The following RABGEF1 variants were observed in gnomAD, a reference collection of about 807,000 sequenced individuals.
RABGEF1 encodes RAB guanine nucleotide exchange factor 1, also known as rab5 GDP/GTP exchange factor.
A neutral mutation model predicts 57.3 loss-of-function variants in RABGEF1; 26 were observed. The observed-to-expected ratio is 0.45, with a 90% CI of 0.33 to 0.63. The LOEUF (loss-of-function observed/expected upper bound fraction) is 0.63. Ranked by LOEUF, RABGEF1 falls within the 20% of genes least tolerant of loss-of-function variation. RABGEF1 has a pLI of 0.02. For synonymous variants in RABGEF1, 185 were observed against 210.7 expected (o/e 0.88, Z 1.06); for missense variants, 464 against 607.6 (o/e 0.76, Z 2.48).
At chr7:66,673,432 T>C in the RABGEF1 span, among the ~76,000 whole-genome samples, 5 of 151,884 alleles carry the variant, frequency 3.3e-5, no homozygotes, top group African/African-American at 1.2e-4. Flanking sequence ...CATGGCTGGA[T>C]CTGAGCCTCT....
At chr7:66,754,203 T>C (rs1279662535) in intron 1 of RABGEF1, among the ~76,000 whole-genome samples, 3 of 151,482 alleles carry the variant, frequency 2.0e-5, no homozygotes, top group Admixed American at 6.6e-5. Context: ...GGGGTTTCAC[T>C]ATGTTAGCCA....
chr7:66,760,442 A>ATTTTTTTTTT (rs1024130038), intron 1 of RABGEF1, among the ~76,000 whole-genome samples: 12 of 126,140 alleles, frequency 9.5e-5, no homozygotes, highest in South Asian at 2.5e-4. Flanking sequence ...GTTAGCATGT[A>ATTTTTTTTTT]TTTTTTTTTT....
chr7:66,737,073 T>TGAGAGAGAGAGAGAGTGAGAGA (rs1279802653), upstream of RABGEF1, among the ~76,000 whole-genome samples: 1 of 117,094 alleles, frequency 8.5e-6, no homozygotes, highest in South Asian at 2.8e-4. Context: ...AGAGAGAGAG[T>TGAGAGAGAGAGAGAGTGAGAGA]GAGAGAGAGA....
At chr7:66,789,478 C>T (rs1394666648) in intron 4 of RABGEF1, among the ~76,000 whole-genome samples, 2 of 151,880 alleles carry the variant, frequency 1.3e-5, no homozygotes, top group African/African-American at 4.8e-5. Flanking sequence ...GTCAGGAGAT[C>T]GAGACCATCC....
chr7:66,786,076 ATTCT>A (rs1811120862), intron 4 of RABGEF1, among the ~76,000 whole-genome samples: 1 of 152,114 alleles, frequency 6.6e-6, no homozygotes, highest in Non-Finnish European at 1.5e-5. Context: ...CCACAGTATT[ATTCT>A]TTCTAAAATT....
chr7:66,691,960 G>C (rs1332808179), intron 1 of RABGEF1, among the ~76,000 whole-genome samples: 1 of 152,158 alleles, frequency 6.6e-6, no homozygotes, highest in Non-Finnish European at 1.5e-5. Context: ...TGGAGGCTGA[G>C]GTGAGAGGAT....
chr7:66,667,783 CTTAT>C, the RABGEF1 span, among the ~76,000 whole-genome samples: 2 of 152,236 alleles, frequency 1.3e-5, no homozygotes, highest in Admixed American at 6.5e-5. Context: ...TCCCATTTTA[CTTAT>C]TTATTTATTT....
At position 66,810,617 on chromosome 7, in the gene RABGEF1, C is replaced by A. The variant is rs533240276; in HGVS notation, c.*1333C>A. 1 of 152,336 alleles carries A rather than the reference C, an allele frequency of 6.6e-6. No homozygotes were observed. Among genetic ancestry groups the A allele is most frequent in the African/African-American group, 2.4e-5 (1 of 41,564 alleles). 9.4% of individuals were successfully genotyped at this position (152,336 alleles called of 1,614,324 possible). Reference sequence around the variant, plus strand: ...CCTGCATTGTAGAACCTTTTCTTATCTCAGTGGAACCTTCTATAACCTAAA... The same window carrying A: ...CCTGCATTGTAGAACCTTTTCTTATATCAGTGGAACCTTCTATAACCTAAA... On this transcript the variant is annotated 3_prime_UTR_variant, in exon 9 of 9. Transcript: ENST00000284957.
chr7:66,776,797 GA>G (rs1413216309), intron 3 of RABGEF1, among the ~76,000 whole-genome samples: 2 of 152,214 alleles, frequency 1.3e-5, no homozygotes, highest in African/African-American at 2.4e-5. Context: ...AAAAAGGGGG[GA>G]AAAATTAGTA....
chr7:66,748,048 A>G (rs970809917), intron 1 of RABGEF1, among the ~76,000 whole-genome samples: 1 of 152,208 alleles, frequency 6.6e-6, no homozygotes, highest in Non-Finnish European at 1.5e-5. Flanking sequence ...TGAGTAGCCA[A>G]TTAAGAGAGA....
chr7:66,688,085 C>CAAAAAAAAAAAAAAAAAAAAAAAAAA (rs60925853), intron 1 of RABGEF1, among the ~76,000 whole-genome samples: 1 of 109,168 alleles, frequency 9.2e-6, no homozygotes, highest in Non-Finnish European at 1.8e-5. Flanking sequence ...AACTCTGTGT[C>CAAAAAAAAAAAAAAAAAAAAAAAAAA]AAAAAAAAAA....
At chr7:66,702,747 T>C (rs1793482083) in intron 1 of RABGEF1, among the ~76,000 whole-genome samples, 1 of 152,194 alleles carries the variant, frequency 6.6e-6, no homozygotes, top group Admixed American at 6.6e-5. Context: ...CAGATTTTCA[T>C]GTGCTTTTTG....
intron 1 of RABGEF1, among the ~76,000 whole-genome samples, chr7:66,753,044 A>G (rs898361953): frequency 1.3e-5 from 2 of 152,212 alleles, no homozygotes; most frequent in African/African-American, 2.4e-5. Context: ...TTGTAATAGG[A>G]CATGAGTATT....
chr7:66,731,529 C>A (rs527561185), intron 2 of RABGEF1, among the ~76,000 whole-genome samples: 1 of 151,094 alleles, frequency 6.6e-6, no homozygotes, highest in African/African-American at 2.4e-5. Flanking sequence ...CCAGCCTGGG[C>A]AACATGGTGA....
chr7:66,777,287 A>C (rs1808778383), intron 3 of RABGEF1, among the ~76,000 whole-genome samples: 1 of 152,214 alleles, frequency 6.6e-6, no homozygotes, highest in Non-Finnish European at 1.5e-5. Flanking sequence ...CTCATTTTGC[A>C]GAGGACAGTG....
chr7:66,720,598 A>G (rs751944318), intron 2 of RABGEF1, among the ~76,000 whole-genome samples: 4 of 152,182 alleles, frequency 2.6e-5, no homozygotes, highest in African/African-American at 4.8e-5. Context: ...CTAATATTTT[A>G]ATGGATAAAG....
chr7:66,746,161 C>T (rs1800166322), intron 1 of RABGEF1, among the ~76,000 whole-genome samples: 4 of 152,076 alleles, frequency 2.6e-5, no homozygotes, highest in Admixed American at 2.6e-4. Context: ...TTATGTTTAT[C>T]TCTTTGATGT....
chr7:66,710,951 T>A (rs777853582), intron 1 of RABGEF1, among the ~76,000 whole-genome samples: 4 of 151,720 alleles, frequency 2.6e-5, no homozygotes, highest in Non-Finnish European at 5.9e-5. Context: ...GAGACCAGCC[T>A]GGGCAACATA....
At chr7:66,755,784 T>G in intron 1 of RABGEF1, 1 of 323,994 alleles carries the variant, frequency 3.1e-6, no homozygotes, top group Non-Finnish European at 5.7e-6. Context: ...AATAGAAGAC[T>G]GTTGTCTAGA....
Sources: gnomAD v4.1 joint callset for allele counts (sites outside exome capture counted in the v4.1 genomes callset) on GRCh38, gnomAD v4.1.1 for gene constraint, MANE v1.5 for transcripts, NCBI Gene and HGNC (gene_info 2026-07-23, HGNC 2026-07-21) for gene names.